Variants in SLA2 observed in about 807,000 individuals in gnomAD.
The protein encoded by SLA2 is src-like-adapter 2.
In SLA2, 22 loss-of-function variants were observed where a neutral mutation model predicts 27.3. The observed-to-expected ratio is 0.81, with a 90% CI of 0.58 to 1.15. The LOEUF is 1.15. SLA2 is among the 50% of genes most tolerant of loss of function. The pLI is 0.00. For missense variants in SLA2, 304 were observed against 322.2 expected (o/e 0.94, Z 0.43); for synonymous variants, 131 against 137.8 (o/e 0.95, Z 0.34).
At chr20:36,614,755 A>G (rs2039187833) in intron 6 of SLA2, 1 of 985,430 alleles carries the variant, frequency 1.0e-6, no homozygotes, top group Non-Finnish European at 1.2e-6. Context: ...GTCTACTTCC[A>G]CACAGAGTGA....
intron 5 of SLA2, among the ~76,000 whole-genome samples, chr20:36,629,331 T>G (rs2039370403): frequency 6.6e-6 from 1 of 151,870 alleles, no homozygotes; most frequent in Non-Finnish European, 1.5e-5. Flanking sequence ...TATGAGTCTT[T>G]AAAGATCTTC....
chr20:36,635,676 C>T (rs1285764077), intron 2 of SLA2, among the ~76,000 whole-genome samples: 4 of 152,044 alleles, frequency 2.6e-5, no homozygotes, highest in South Asian at 2.1e-4. Context: ...GGCCATTCCA[C>T]AGTGCAGAGA....
At chr20:36,614,279 A>G in intron 7 of SLA2, 26 bp downstream of exon 7, 2 of 1,614,072 alleles carry the variant, frequency 1.2e-6, no homozygotes, top group Non-Finnish European at 1.7e-6. Context: ...TCCTGCTTTC[A>G]TGTTTCCAGG....
intron 1 of SLA2, among the ~76,000 whole-genome samples, chr20:36,643,468 G>A (rs1978285239): frequency 1.3e-5 from 2 of 152,212 alleles, no homozygotes; most frequent in South Asian, 4.1e-4. Flanking sequence ...TCACTGAATG[G>A]GGTGGTGACA....
At chr20:36,621,574 C>G (rs1194476334) in intron 5 of SLA2, among the ~76,000 whole-genome samples, 2 of 139,102 alleles carry the variant, frequency 1.4e-5, no homozygotes, top group Non-Finnish European at 3.1e-5. Context: ...TGCAGTGAGC[C>G]GAGATCGCGC....
chr20:36,614,414 G>A lies in SLA2; in HGVS notation c.556C>T (p.Leu186=). 6.2e-7 allele frequency: 1 copy of A among 1,611,328 alleles called. No individual in the cohort carries two copies. Among genetic ancestry groups the A allele is most frequent in the Non-Finnish European group, 8.5e-7 (1 of 1,178,582 alleles). The change falls in exon 7 of 8, where the codon CTA becomes TTA. Residue 186 remains leucine (L), a synonymous_variant. Transcript: ENST00000262866. ...YSELADDICC[L]LKEPCVLQRA... is the part of the protein sequence containing the mutation. ...TGCAGGACACAGGGCTCCTTGAGTA[G>A]GCAGCAGATGTCATCCGCCAGCTCT...
chr20:36,645,469 C>G (rs1978287302), intron 1 of SLA2, among the ~76,000 whole-genome samples: 1 of 152,124 alleles, frequency 6.6e-6, no homozygotes, highest in African/African-American at 2.4e-5. Flanking sequence ...GTAGGCTCTA[C>G]AGCTGAAATG....
intron 5 of SLA2, among the ~76,000 whole-genome samples, chr20:36,624,224 G>A (rs893090701): frequency 6.6e-5 from 10 of 152,056 alleles, no homozygotes; most frequent in Admixed American, 2.0e-4. Context: ...GGGTCAGGTC[G>A]TCTCATGCCC....
chr20:36,632,842 G>C, intron 4 of SLA2, 144 bp from the exon 5 acceptor site: 1 of 663,000 alleles, frequency 1.5e-6, no homozygotes, highest in Non-Finnish European at 2.6e-6. Flanking sequence ...GAAGAGCTGG[G>C]CTCAGGGTCT....
rs778960393 is a variant in SLA2 at position 36,613,864 on chromosome 20, G to GC, written c.*1dup. The GC allele has an allele frequency of 1.2e-6, 2 of 1,613,440 alleles. No homozygotes were observed. The highest frequency in any genetic ancestry group is 1.7e-6 in the Non-Finnish European group (2 of 1,179,706). ...GTTTCCCTTTTGGCCTCTCCTTTGG[G>GC]CCTAGGCATCATCCAAAGAGACAGC... On this transcript the variant is annotated 3_prime_UTR_variant, in exon 8 of 8. Coordinates refer to ENST00000262866, the MANE Select transcript of SLA2 (RefSeq NM_032214.4).
intron 1 of SLA2, among the ~76,000 whole-genome samples, chr20:36,645,178 C>G (rs1978286926): frequency 6.9e-6 from 1 of 144,598 alleles, no homozygotes; most frequent in Non-Finnish European, 1.5e-5. Flanking sequence ...CCCACCCCCA[C>G]CCCCACCACC....
Position 36,631,066 on chromosome 20 carries a change from C to T in SLA2, c.382+1529G>A, listed in dbSNP as rs113202464. 1.1e-3 allele frequency among the ~76,000 whole-genome samples: 163 copies of T among 152,322 alleles called. 1 individual carries two copies. The highest frequency in any genetic ancestry group is 3.1e-3 in the African/African-American group (127 of 41,574). On this transcript the variant is annotated intron_variant, in intron 5 of 7. Coordinates refer to ENST00000262866, the MANE Select transcript of SLA2 (RefSeq NM_032214.4). ...GAAGGAGGAATCACCTCCTAGTCAA[C>T]GCAGAGAAATTCTGTGACTATACTC...
Position 36,613,747 on chromosome 20 carries a change from C to T in SLA2, c.*119G>A, listed in dbSNP as rs1600812746. 2 of 1,160,300 alleles carry T rather than the reference C, an allele frequency of 1.7e-6. No homozygotes were observed. The highest frequency in any genetic ancestry group is 2.4e-5 in the East Asian group (1 of 42,066). 71.9% of individuals were successfully genotyped at this position (1,160,300 alleles called of 1,614,324 possible). ...AAGGGTACAGGTGGGACCCTAGATGCACCTCTGTGTCCCACCCTCCCTCCC... is the reference window on the plus strand; with the variant it reads ...AAGGGTACAGGTGGGACCCTAGATGTACCTCTGTGTCCCACCCTCCCTCCC... On this transcript the variant is annotated 3_prime_UTR_variant, in exon 8 of 8. Transcript: ENST00000262866.
At chr20:36,622,839 A>G (rs2039298414) in intron 5 of SLA2, among the ~76,000 whole-genome samples, 1 of 152,172 alleles carries the variant, frequency 6.6e-6, no homozygotes, top group Admixed American at 6.6e-5. Flanking sequence ...AAAATCCTTA[A>G]TCACATCTGC....
At chr20:36,640,277 A>G (rs1600833885) in intron 2 of SLA2, among the ~76,000 whole-genome samples, 1 of 152,124 alleles carries the variant, frequency 6.6e-6, no homozygotes. Context: ...CCAGCCTGGG[A>G]GACAGAGCAA....
chr20:36,638,002 C>T (rs533022552), intron 2 of SLA2, among the ~76,000 whole-genome samples: 1 of 150,670 alleles, frequency 6.6e-6, no homozygotes, highest in African/African-American at 2.4e-5. Flanking sequence ...AGTGATTCTC[C>T]TGCCTCAGCC....
intron 1 of SLA2, among the ~76,000 whole-genome samples, chr20:36,644,192 C>T (rs2147999886): frequency 6.6e-6 from 1 of 152,004 alleles, no homozygotes; most frequent in East Asian, 1.9e-4. Context: ...GCTGTGTTGC[C>T]CAGGCTGGTC....
intron 2 of SLA2, among the ~76,000 whole-genome samples, chr20:36,636,142 G>A (rs1193326133): frequency 6.6e-6 from 1 of 152,072 alleles, no homozygotes; most frequent in East Asian, 1.9e-4. Flanking sequence ...AAGAGGCCGG[G>A]CGCGGTGGCT....
At chr20:36,626,527 G>A (rs1265365066) in intron 5 of SLA2, among the ~76,000 whole-genome samples, 3 of 148,126 alleles carry the variant, frequency 2.0e-5, no homozygotes, top group Non-Finnish European at 3.0e-5. Context: ...TAGTGCCACC[G>A]CACTCCAGCT....
Sources: allele counts gnomAD v4.1 joint callset (sites outside exome capture counted in the v4.1 genomes callset), GRCh38; gene constraint gnomAD v4.1.1; transcripts MANE v1.5; gene names NCBI Gene and HGNC (gene_info 2026-07-23, HGNC 2026-07-21).